The following SLC38A12 variants were observed in gnomAD, a reference collection of about 807,000 sequenced individuals.
The protein encoded by SLC38A12 is putative sodium-coupled neutral amino acid transporter 12.
the SLC38A12 span, among the ~76,000 whole-genome samples, chr17:74,812,518 G>A: frequency 4.6e-5 from 7 of 152,152 alleles, no homozygotes; most frequent in African/African-American, 9.7e-5. Flanking sequence ...CTCATGCTGA[G>A]TTGCCATTAA....
chr17:74,796,817 C>T, the SLC38A12 span, among the ~76,000 whole-genome samples: 1 of 152,252 alleles, frequency 6.6e-6, no homozygotes, highest in African/African-American at 2.4e-5. Flanking sequence ...GGAAAAGGTA[C>T]TGGCATGGCA....
At chr17:74,817,060 C>T in the SLC38A12 span, among the ~76,000 whole-genome samples, 2 of 141,292 alleles carry the variant, frequency 1.4e-5, no homozygotes, top group African/African-American at 5.1e-5. Flanking sequence ...CGTGGCGTGG[C>T]AGCGCATGCC....
the SLC38A12 span, among the ~76,000 whole-genome samples, chr17:74,795,932 G>A: frequency 0.26 from 39,752 of 152,118 alleles, 5,442 homozygotes; most frequent in East Asian, 0.42. Context: ...TTCTAGGGCC[G>A]ACCTCAGCAG....
At chr17:74,785,410 C>T in the SLC38A12 span, 6 of 1,565,620 alleles carry the variant, frequency 3.8e-6, no homozygotes, top group South Asian at 2.4e-5. Flanking sequence ...TCACCAGGGT[C>T]GTTCCTTGGG....
the SLC38A12 span, among the ~76,000 whole-genome samples, chr17:74,781,426 A>G: frequency 1.3e-5 from 2 of 152,110 alleles, no homozygotes; most frequent in South Asian, 4.1e-4. Context: ...CTGGGACTAC[A>G]GGCACTTGCC....
At chr17:74,806,020 C>T in the SLC38A12 span, among the ~76,000 whole-genome samples, 1 of 152,176 alleles carries the variant, frequency 6.6e-6, no homozygotes, top group Non-Finnish European at 1.5e-5. Context: ...GTTCCGAGGC[C>T]CATGGGCACA....
chr17:74,836,748 G>A, the SLC38A12 span: 158 of 1,516,728 alleles, frequency 1.0e-4, 2 homozygotes, highest in African/African-American at 1.6e-3. The surrounding 1 kb of genome is among the most constrained non-coding windows in gnomAD (Gnocchi z 4.2). Flanking sequence ...CCCCTCGCCC[G>A]CAGAGCCCAG....
At chr17:74,839,249 C>A in the SLC38A12 span, 10 of 1,360,998 alleles carry the variant, frequency 7.3e-6, no homozygotes, top group Admixed American at 2.5e-5. Flanking sequence ...CATGACGGGC[C>A]CCTAGCCACA....
At chr17:74,831,776 T>C in the SLC38A12 span, among the ~76,000 whole-genome samples, 58 of 152,332 alleles carry the variant, frequency 3.8e-4, no homozygotes, top group Middle Eastern at 3.4e-3. Context: ...GGGAGCACTT[T>C]CTGCTCTGTC....
the SLC38A12 span, among the ~76,000 whole-genome samples, chr17:74,789,980 T>G: frequency 2.0e-5 from 3 of 147,352 alleles, no homozygotes; most frequent in African/African-American, 7.7e-5. Flanking sequence ...TGAGACAGGG[T>G]CTTCGCTCTG....
At chr17:74,825,777 A>T in the SLC38A12 span, among the ~76,000 whole-genome samples, 2 of 152,194 alleles carry the variant, frequency 1.3e-5, no homozygotes, top group African/African-American at 4.8e-5. Context: ...GACGATGGTG[A>T]TGGTCATGGC....
the SLC38A12 span, chr17:74,795,451 A>G: frequency 3.0e-6 from 4 of 1,325,166 alleles, no homozygotes; most frequent in Non-Finnish European, 4.3e-6. Context: ...CTGTGCAGGG[A>G]GTGGCTTCTG....
At chr17:74,777,175 G>C in the SLC38A12 span, 2 of 790,032 alleles carry the variant, frequency 2.5e-6, no homozygotes, top group Admixed American at 2.2e-5. Flanking sequence ...TGTGATAAAA[G>C]AACCAGAGGT....
the SLC38A12 span, among the ~76,000 whole-genome samples, chr17:74,786,225 C>T: frequency 2.0e-5 from 3 of 152,142 alleles, no homozygotes; most frequent in Non-Finnish European, 2.9e-5. Flanking sequence ...TTCCCACACA[C>T]GTAGGGACTA....
At chr17:74,788,474 C>A in the SLC38A12 span, among the ~76,000 whole-genome samples, 1 of 152,200 alleles carries the variant, frequency 6.6e-6, no homozygotes, top group Non-Finnish European at 1.5e-5. Context: ...CCCCAACAGC[C>A]CCTCCTGGGT....
At chr17:74,832,736 C>T in the SLC38A12 span, among the ~76,000 whole-genome samples, 1 of 152,278 alleles carries the variant, frequency 6.6e-6, no homozygotes, top group Non-Finnish European at 1.5e-5. Flanking sequence ...CGAAAGCCCA[C>T]ATGGCCCTGC....
At chr17:74,799,697 G>A in the SLC38A12 span, among the ~76,000 whole-genome samples, 4 of 152,302 alleles carry the variant, frequency 2.6e-5, no homozygotes, top group East Asian at 5.8e-4. Context: ...CCCTGTTTGC[G>A]ACAGCCCTGT....
chr17:74,790,196 C>T, the SLC38A12 span: 2 of 1,613,334 alleles, frequency 1.2e-6, no homozygotes, highest in Non-Finnish European at 1.7e-6. Context: ...CTACTGGCTC[C>T]CAGGAGGAGG....
the SLC38A12 span, chr17:74,836,353 G>A: frequency 7.4e-6 from 12 of 1,612,644 alleles, no homozygotes; most frequent in African/African-American, 4.0e-5. The surrounding 1 kb of genome is among the most constrained non-coding windows in gnomAD (Gnocchi z 4.2). Flanking sequence ...CTCTTCCACC[G>A]CGAGGGCGGC....
Sources: gnomAD v4.1 joint callset for allele counts (sites outside exome capture counted in the v4.1 genomes callset) on GRCh38, gnomAD v4.1.1 for gene constraint, Gnocchi (gnomAD v3.1) non-coding constraint, MANE v1.5 for transcripts, NCBI Gene and HGNC (gene_info 2026-07-23, HGNC 2026-07-21) for gene names.